NOS3: variants seen among roughly 807,000 people sequenced by gnomAD.
NOS3 encodes the protein NOS type III.
NOS3 carries 98 observed loss-of-function variants against 144.9 expected under a neutral mutation model. The observed-to-expected ratio is 0.68, with a 90% CI of 0.57 to 0.80. The LOEUF (loss-of-function observed/expected upper bound fraction) is 0.80. Ranked by LOEUF, NOS3 falls within the 30% of genes least tolerant of loss-of-function variation. NOS3 has a pLI of 0.00. For missense variants in NOS3, 1,465 were observed against 1,656.4 expected, an observed-to-expected ratio of 0.88 and a Z score of 2.01; for synonymous variants, 714 against 702.4, an observed-to-expected ratio of 1.02 and a Z score of -0.26.
intron 1 of NOS3, among the ~76,000 whole-genome samples, chr7:150,992,862 A>G (rs1321047459): frequency 6.6e-6 from 1 of 152,166 alleles, no homozygotes; most frequent in African/African-American, 2.4e-5. Flanking sequence ...ATGGCACAGA[A>G]CTACAAACCC....
chr7:150,999,842 AGT>A (rs1321752855), intron 9 of NOS3, among the ~76,000 whole-genome samples: 1 of 70,488 alleles, frequency 1.4e-5, no homozygotes, highest in Non-Finnish European at 2.7e-5. Context: ...TGTAGGGGTG[AGT>A]GTGTGTGAGT....
intron 5 of NOS3, among the ~76,000 whole-genome samples, chr7:150,997,568 TG>T (rs1383348008): frequency 4.6e-5 from 7 of 152,146 alleles, no homozygotes; most frequent in Non-Finnish European, 7.4e-5. Context: ...AGCTGCCCCA[TG>T]GGGGACTTGG....
At position 150,996,592 on chromosome 7, in the gene NOS3, T is replaced by C. The variant is rs1264533478; in HGVS notation, c.419+40T>C. On this transcript the variant is annotated intron_variant, in intron 4 of 26. Transcript: ENST00000297494. ...GACGCCACAGCCTCCCTTGTCCCAC[T>C]GAGGCCCCAGAAACCCCGTGACGAC... 6 of 1,563,368 alleles carry C rather than the reference T, an allele frequency of 3.8e-6. No individual in the cohort carries two copies. The Admixed American group carries it at 1.0e-4, about 27-fold the overall frequency.
chr7:151,004,158 A>C (rs1795171147), intron 14 of NOS3, among the ~76,000 whole-genome samples: 1 of 152,218 alleles, frequency 6.6e-6, no homozygotes. Flanking sequence ...CCAACATGGC[A>C]AAACCCTGTC....
Position 151,000,254 on chromosome 7 carries a change from A to G in NOS3, c.1132-244A>G, listed in dbSNP as rs557860221. Among the ~76,000 whole-genome samples the G allele has an allele frequency of 2.0e-5, 3 of 152,132 alleles. No homozygotes were observed. The South Asian group carries it at 6.2e-4, about 32-fold the overall frequency. On this transcript the variant is annotated intron_variant, in intron 9 of 26. Transcript: ENST00000297494. ...GGGGACCTTGACTCGGCAAAGGTTA[A>G]GACCCATTTTAGAGATGAGAAATTA...
chr7:150,996,487 G>A lies in NOS3; in HGVS notation c.354G>A (p.Pro118=), dbSNP rs372357466. 4.3e-5 allele frequency: 68 copies of A among 1,597,704 alleles called. 1 individual carries two copies. Among genetic ancestry groups the A allele is most frequent in the East Asian group, 2.3e-4 (10 of 44,308 alleles). ...AGGGCCGGCCCTCCCCCGGCCCCCC[G>A]GCCCCTGAGCAGCTGCTGAGTCAGG... is the stretch of plus-strand genomic sequence containing the variant. The part of the protein sequence containing the change: ...KLQGRPSPGP[P]APEQLLSQAR... Residue 118 remains proline (P), a synonymous_variant, in exon 4 of 27, where the codon CCG becomes CCA. Coordinates refer to ENST00000297494, the MANE Select transcript of NOS3 (RefSeq NM_000603.5).
Position 150,993,786 on chromosome 7 carries a change from G to A in NOS3, c.-18G>A. 6.3e-7 allele frequency: 1 copy of A among 1,581,830 alleles called. No homozygotes were observed. The highest frequency in any genetic ancestry group is 1.4e-5 in the African/African-American group (1 of 72,712). On this transcript the variant is annotated 5_prime_UTR_variant, in exon 2 of 27. Coordinates refer to ENST00000297494, the MANE Select transcript of NOS3 (RefSeq NM_000603.5). This position sits in a 1 kb window ranked among gnomAD's most constrained non-coding sequence, Gnocchi z 4.0. ...CAGGGCTCTGCTGGAGCAGGCAGCA[G>A]AGTGGACGCACAGTAACATGGGCAA...
intron 25 of NOS3, 124 bp from the exon 26 acceptor site, chr7:151,013,600 C>T: frequency 1.9e-6 from 2 of 1,064,234 alleles, no homozygotes; most frequent in Admixed American, 5.5e-5. Flanking sequence ...GACACCGCCC[C>T]AGGGCACGCA....
At chr7:151,006,276 C>T (rs1372122716) in intron 14 of NOS3, 151 bp from the exon 15 acceptor site, 1 of 711,124 alleles carries the variant, frequency 1.4e-6, no homozygotes, top group East Asian at 2.6e-5. Context: ...TGTCATTTTT[C>T]AAAAACATCA....
At position 151,013,830 on chromosome 7, in the gene NOS3, C is replaced by T; in HGVS notation, c.3362C>T (p.Thr1121Ile). Residue 1121 changes from threonine to isoleucine, a missense_variant, in exon 26 of 27, where the codon ACC (threonine) becomes ATC (isoleucine). Physicochemically the swap from Thr to Ile is moderately conservative, Grantham distance 89. Around this residue, in one of 5 missense-constraint regions of NOS3, gnomAD observed 228 missense variants for 227.7 expected, o/e 1.00. Coordinates refer to ENST00000297494, the MANE Select transcript of NOS3 (RefSeq NM_000603.5). ...GTCTGCGGCGATGTTACCATGGCAA[C>T]CAACGTCCTGCAGACCGTGCAGCGC... ...MFVCGDVTMA[T>I]NVLQTVQRIL... The T allele has an allele frequency of 2.5e-6, 4 of 1,608,254 alleles. No individual in the cohort carries two copies. Among genetic ancestry groups the T allele is most frequent in the Non-Finnish European group, 3.4e-6 (4 of 1,177,986 alleles).
At position 150,994,516 on chromosome 7, in the gene NOS3, T is replaced by G. The variant is rs967220679; in HGVS notation, c.158+555T>G. Among the ~76,000 whole-genome samples the G allele has an allele frequency of 6.6e-5, 10 of 152,204 alleles. 1 individual carries two copies. The highest frequency in any genetic ancestry group is 4.6e-4 in the Admixed American group (7 of 15,296). On this transcript the variant is annotated intron_variant, in intron 2 of 26. Transcript: ENST00000297494. ...TTTCCCCTGCTCCAGCCCCCTCTCC[T>G]CGTGGCTGTCACCCGAAAACTGGAC...
rs770598530 is a variant in NOS3 at position 151,013,311 on chromosome 7, A to C, written c.3187A>C (p.Asn1063His). 2 of 1,614,084 alleles carry C rather than the reference A, an allele frequency of 1.2e-6. No individual in the cohort carries two copies. Among genetic ancestry groups the C allele is most frequent in the East Asian group, 4.5e-5 (2 of 44,882 alleles). ...LDHLYRDEVQ[N>H]AQQRGVFGRV... is the part of the protein sequence containing the mutation. ...CCATCTCTACCGCGACGAGGTGCAGAACGCCCAGCAGCGCGGGGTGTTTGG... is the reference window on the plus strand; with the variant it reads ...CCATCTCTACCGCGACGAGGTGCAGCACGCCCAGCAGCGCGGGGTGTTTGG... The change falls in exon 25 of 27, where the codon AAC (asparagine) becomes CAC (histidine). Residue 1063 changes from asparagine to histidine, a missense_variant. Asn to His is a moderately conservative substitution (Grantham distance 68). Around this residue, in one of 5 missense-constraint regions of NOS3, gnomAD observed 228 missense variants for 227.7 expected, o/e 1.00. Transcript: ENST00000297494.
intron 3 of NOS3, 100 bp downstream of exon 3, chr7:150,995,414 T>A (rs528320623): frequency 4.2e-6 from 3 of 716,564 alleles, no homozygotes; most frequent in Non-Finnish European, 7.0e-6. Flanking sequence ...CTTCTTTGAA[T>A]TGGTCCCTTG....
Position 151,007,279 on chromosome 7 carries a change from G to GAGCCC in NOS3, c.2112+14_2112+18dup, listed in dbSNP as rs1795220745. 1 of 1,594,604 alleles carries GAGCCC rather than the reference G, an allele frequency of 6.3e-7. No homozygotes were observed. The highest frequency in any genetic ancestry group is 1.7e-4 in the Middle Eastern group (1 of 5,886). On this transcript the variant is annotated splice_donor_region_variant and intron_variant, in intron 17 of 26. Transcript: ENST00000297494. ...GCTGGGCCCAGGCTGCCTTCCAGGT[G>GAGCCC]AGCCCAGCCCAGCCCCTGCTCTGAC... is the stretch of plus-strand genomic sequence containing the variant.
At chr7:151,004,466 A>G (rs1795175994) in intron 14 of NOS3, among the ~76,000 whole-genome samples, 1 of 152,248 alleles carries the variant, frequency 6.6e-6, no homozygotes. Flanking sequence ...AATACAGCTC[A>G]CAGAAAATGG....
chr7:151,012,432 G>A lies in NOS3; in HGVS notation c.3066G>A (p.Arg1022=), dbSNP rs970133873. 1 of 1,611,234 alleles carries A rather than the reference G, an allele frequency of 6.2e-7. No individual in the cohort carries two copies. The part of the protein sequence containing the change: ...VGPGTGIAPF[R]GFWQERLHDI... ...CAGGCACTGGCATTGCCCCCTTCCG[G>A]GGATTCTGGCAGGAGCGGCTGCATG... Residue 1022 remains arginine, a synonymous_variant, in exon 24 of 27, where the codon CGG becomes CGA. Coordinates refer to ENST00000297494, the MANE Select transcript of NOS3 (RefSeq NM_000603.5).
chr7:151,012,167 A>G, intron 23 of NOS3, 184 bp from the exon 24 acceptor site: 1 of 548,950 alleles, frequency 1.8e-6, no homozygotes, highest in Non-Finnish European at 3.2e-6. Flanking sequence ...CTTTGGTGCA[A>G]TCTCCAGAAA....
intron 14 of NOS3, among the ~76,000 whole-genome samples, chr7:151,005,798 C>A (rs1795197204): frequency 6.6e-6 from 1 of 152,168 alleles, no homozygotes; most frequent in Non-Finnish European, 1.5e-5. Context: ...AAAGTCCAGG[C>A]CGGAGGATCG....
At position 150,998,417 on chromosome 7, in the gene NOS3, A is replaced by G; in HGVS notation, c.643A>G (p.Ile215Val). Residue 215 changes from isoleucine to valine, a missense_variant, in exon 6 of 27, where the codon ATC becomes GTC. Physicochemically the swap from Ile to Val is conservative, Grantham distance 29. Transcript: ENST00000297494. This position sits in a 1 kb window ranked among gnomAD's most constrained non-coding sequence, Gnocchi z 5.0. ...QEMFTYICNH[I>V]KYATNRGNLR... ...AATGTTCACCTACATCTGCAACCAC[A>G]TCAAGTATGCCACCAACCGGGGCAA... 6.2e-7 allele frequency: 1 copy of G among 1,611,160 alleles called. No homozygotes were observed. Among genetic ancestry groups the G allele is most frequent in the Non-Finnish European group, 8.5e-7 (1 of 1,179,560 alleles).
Sources: allele counts gnomAD v4.1 joint callset (sites outside exome capture counted in the v4.1 genomes callset), GRCh38; gene constraint gnomAD v4.1.1; regional missense constraint gnomAD v4.1.1; non-coding constraint Gnocchi (gnomAD v3.1); transcripts MANE v1.5; gene names NCBI Gene and HGNC (gene_info 2026-07-23, HGNC 2026-07-21).